The following CLEC16A variants were observed in gnomAD, a reference collection of about 807,000 sequenced individuals.
The protein encoded by CLEC16A is C-type lectin domain containing 16A.
A neutral mutation model predicts 109.5 loss-of-function variants in CLEC16A; 51 were observed. The ratio of observed to expected loss-of-function variants is 0.47; its 90% CI spans 0.37 to 0.59. CLEC16A has a LOEUF of 0.59. Ranked by LOEUF, CLEC16A falls within the 20% of genes least tolerant of loss-of-function variation. The pLI, the probability that CLEC16A is intolerant of heterozygous loss-of-function variation, is 0.00. For synonymous variants in CLEC16A, 673 were observed against 564.2 expected (o/e 1.19, Z -2.73); for missense variants, 1,339 against 1,394.0 (o/e 0.96, Z 0.63).
chr16:11,127,551 C>G (rs1187203745), intron 22 of CLEC16A, among the ~76,000 whole-genome samples: 4 of 152,214 alleles, frequency 2.6e-5, no homozygotes, highest in Non-Finnish European at 4.4e-5. Context: ...CCACCCACAG[C>G]TTGTGATTGG....
chr16:10,980,533 G>A (rs1182630792), intron 9 of CLEC16A, among the ~76,000 whole-genome samples: 1 of 152,004 alleles, frequency 6.6e-6, no homozygotes, highest in Non-Finnish European at 1.5e-5. Context: ...GCATTGCCCG[G>A]GCAGGGTCTC....
rs756832173 is a variant in CLEC16A at position 11,125,986 on chromosome 16, G to A, written c.2481G>A (p.Leu827=). 4.4e-6 allele frequency: 7 copies of A among 1,605,202 alleles called. No homozygotes were observed. Among genetic ancestry groups the A allele is most frequent in the Non-Finnish European group, 5.9e-6 (7 of 1,178,448 alleles). ...RMKMQRIAAL[L]DLPIQPTTEV... ...GCTATTGTTTGACCGTAGCCCTCCT[G>A]GACCTCCCAATCCAGCCCACCACTG... Residue 827 remains leucine (L), a synonymous_variant, in exon 22 of 24, where the codon CTG becomes CTA. Transcript: ENST00000409790.
chr16:10,994,458 C>T (rs1457722961), intron 10 of CLEC16A, among the ~76,000 whole-genome samples: 2 of 152,314 alleles, frequency 1.3e-5, no homozygotes, highest in East Asian at 3.9e-4. Context: ...CATCACCCGG[C>T]TTCCTTTTTC....
At chr16:11,001,276 G>A (rs1164576120) in intron 10 of CLEC16A, among the ~76,000 whole-genome samples, 5 of 152,270 alleles carry the variant, frequency 3.3e-5, no homozygotes, top group Non-Finnish European at 7.4e-5. Context: ...TGTAGAGATG[G>A]GGTTTTGCCA....
At chr16:10,946,409 G>A (rs1327108685) in intron 1 of CLEC16A, among the ~76,000 whole-genome samples, 1 of 152,188 alleles carries the variant, frequency 6.6e-6, no homozygotes, top group Non-Finnish European at 1.5e-5. Flanking sequence ...TGGGGAGCAG[G>A]AGGGTTCACT....
chr16:10,960,433 G>T (rs1041329139), intron 2 of CLEC16A, among the ~76,000 whole-genome samples: 1 of 152,186 alleles, frequency 6.6e-6, no homozygotes, highest in Admixed American at 6.5e-5. Context: ...GATTAAACTG[G>T]CAGTTAAGGG....
At chr16:11,063,810 G>A (rs1006935062) in intron 19 of CLEC16A, among the ~76,000 whole-genome samples, 4 of 151,646 alleles carry the variant, frequency 2.6e-5, no homozygotes, top group African/African-American at 9.7e-5. Context: ...TTAAAGTGAA[G>A]CCTGTTTTGT....
rs563382451 is a variant in CLEC16A at position 11,134,524 on chromosome 16, G to A, written c.2641+8378G>A. 9.2e-5 allele frequency among the ~76,000 whole-genome samples: 14 copies of A among 152,268 alleles called. No homozygotes were observed. In the South Asian group the frequency reaches 1.4e-3, roughly 16 times the overall value. On this transcript the variant is annotated intron_variant, in intron 22 of 23. Coordinates refer to ENST00000409790, the MANE Select transcript of CLEC16A (RefSeq NM_015226.3). ...GCCTCTAAATCCCATTTGCTTCAAG[G>A]CTGGCATTGGTGCAGGTTGAATATT...
At chr16:10,969,396 A>T in intron 4 of CLEC16A, 87 bp downstream of exon 4, 1 of 923,228 alleles carries the variant, frequency 1.1e-6, no homozygotes. Context: ...TTATATCTGG[A>T]TGGTCTTGTG....
At chr16:10,969,378 G>A (rs1007429365) in intron 4 of CLEC16A, 69 bp downstream of exon 4, 307 of 1,048,386 alleles carry the variant, frequency 2.9e-4, no homozygotes, top group Non-Finnish European at 4.0e-4. Context: ...TTTTTTTACG[G>A]CAGCGCCTTA....
intron 10 of CLEC16A, among the ~76,000 whole-genome samples, chr16:10,989,902 C>G (rs948675807): frequency 5.3e-5 from 8 of 152,170 alleles, no homozygotes. Flanking sequence ...AAACTTGTAT[C>G]CGATGTCAGC....
In CLEC16A at chr16:11,143,581, C is replaced by T. The variant is rs117207388; in HGVS notation, c.2641+17435C>T. On this transcript the variant is annotated intron_variant, in intron 22 of 23. Coordinates refer to ENST00000409790, the MANE Select transcript of CLEC16A (RefSeq NM_015226.3). ...ACAAAGGGCTTAAGTGAAGCTACTG[C>T]TGTCAGCTGCATCTGCCGTCCAGCA... Among the ~76,000 whole-genome samples, 50 of 152,340 alleles carry T rather than the reference C, an allele frequency of 3.3e-4. 2 individuals are homozygous for T. In the East Asian group the frequency reaches 9.1e-3, roughly 28 times the overall value.
intron 19 of CLEC16A, among the ~76,000 whole-genome samples, chr16:11,071,753 ATT>A (rs71136611): frequency 2.1e-4 from 13 of 61,276 alleles, no homozygotes; most frequent in Non-Finnish European, 2.9e-4. Context: ...CACCTGGCTG[ATT>A]TTTTTTTTTT....
chr16:10,990,013 C>G (rs1295561265), intron 10 of CLEC16A, among the ~76,000 whole-genome samples: 1 of 152,190 alleles, frequency 6.6e-6, no homozygotes, highest in East Asian at 1.9e-4. Flanking sequence ...ACTCATGATC[C>G]CCCAGCTAAT....
At chr16:10,965,812 C>G (rs2042473830) in intron 3 of CLEC16A, among the ~76,000 whole-genome samples, 6 of 152,202 alleles carry the variant, frequency 3.9e-5, no homozygotes, top group Admixed American at 3.9e-4. Flanking sequence ...CTATGGTGGC[C>G]CCCCACCACC....
At chr16:11,092,237 G>A (rs2050343943) in intron 19 of CLEC16A, among the ~76,000 whole-genome samples, 1 of 152,132 alleles carries the variant, frequency 6.6e-6, no homozygotes, top group African/African-American at 2.4e-5. Flanking sequence ...CAAGCTGCTT[G>A]GGAAGCTGAG....
intron 22 of CLEC16A, among the ~76,000 whole-genome samples, chr16:11,164,252 C>G (rs1321971326): frequency 1.3e-5 from 2 of 152,242 alleles, no homozygotes; most frequent in African/African-American, 2.4e-5. Flanking sequence ...GAGACTCACC[C>G]TGCTTTCACT....
At chr16:10,964,971 C>T (rs573131417) in intron 3 of CLEC16A, among the ~76,000 whole-genome samples, 27 of 152,304 alleles carry the variant, frequency 1.8e-4, no homozygotes, top group African/African-American at 6.5e-4. Flanking sequence ...CCTGTAGTCA[C>T]TGTGCTGTAC....
At chr16:11,148,964 G>A (rs1319543476) in intron 22 of CLEC16A, among the ~76,000 whole-genome samples, 1 of 152,230 alleles carries the variant, frequency 6.6e-6, no homozygotes, top group African/African-American at 2.4e-5. Context: ...ATTGTGAAAG[G>A]GAAGAAAAAA....
Sources: gnomAD v4.1 joint callset for allele counts (sites outside exome capture counted in the v4.1 genomes callset) on GRCh38, gnomAD v4.1.1 for gene constraint, MANE v1.5 for transcripts, NCBI Gene and HGNC (gene_info 2026-07-23, HGNC 2026-07-21) for gene names.